Variants in MACF1 observed in about 807,000 individuals in gnomAD.
The protein encoded by MACF1 is microtubule-actin cross-linking factor 1.
A neutral mutation model predicts 854.8 loss-of-function variants in MACF1; 193 were observed. The ratio of observed to expected loss-of-function variants is 0.23; its 90% CI spans 0.20 to 0.25. The LOEUF (loss-of-function observed/expected upper bound fraction) is 0.25, where lower values mean the gene tolerates loss of function less well. Among genes scored for constraint, MACF1 ranks in the 10% least tolerant of loss-of-function variants. The pLI, the probability that MACF1 is intolerant of heterozygous loss-of-function variation, is 1.00. For missense variants in MACF1, 7,722 were observed against 8,929.1 expected, an observed-to-expected ratio of 0.86 and a Z score of 5.45; for synonymous variants, 3,185 against 3,226.7, an observed-to-expected ratio of 0.99 and a Z score of 0.44.
intron 1 of MACF1, among the ~76,000 whole-genome samples, chr1:39,225,873 T>G (rs1371008090): frequency 1.3e-5 from 2 of 152,192 alleles, no homozygotes; most frequent in African/African-American, 4.8e-5. Flanking sequence ...AATATAAAAC[T>G]TATTAAATAG....
At chr1:39,275,451 TCATA>T (rs1307429362) in intron 6 of MACF1, among the ~76,000 whole-genome samples, 33 of 152,110 alleles carry the variant, frequency 2.2e-4, no homozygotes, top group African/African-American at 8.0e-4. Flanking sequence ...ACAGGTACCA[TCATA>T]GCGCACAGTA....
chr1:39,268,295 C>T (rs1022837847), intron 6 of MACF1, among the ~76,000 whole-genome samples: 1 of 152,142 alleles, frequency 6.6e-6, no homozygotes, highest in Non-Finnish European at 1.5e-5. Flanking sequence ...TTTCCCTCCT[C>T]CTCCTGGCCC....
Position 39,331,186 on chromosome 1 carries a change from T to C in MACF1, c.4615-17T>C. 2 of 1,176,824 alleles carry C rather than the reference T, an allele frequency of 1.7e-6. No homozygotes were observed. The highest frequency in any genetic ancestry group is 3.5e-5 in the East Asian group (1 of 28,856). The allele number at this position is 1,176,824 out of a possible 1,614,324, so 72.9% of individuals were successfully genotyped here. ...CTTCTCTTTTCCTTTTTTTTTTTTT[T>C]TTTTTTTTTTTTTTAGGAATGCAGA... On this transcript the variant is annotated splice_polypyrimidine_tract_variant and intron_variant, in intron 36 of 100. Coordinates refer to ENST00000564288, the MANE Select transcript of MACF1 (RefSeq NM_001394062.1).
intron 74 of MACF1, among the ~76,000 whole-genome samples, chr1:39,441,665 T>C (rs1475772140): frequency 6.6e-6 from 1 of 152,212 alleles, no homozygotes; most frequent in African/African-American, 2.4e-5. Flanking sequence ...CTTCAGAACA[T>C]CATGAGCTTG....
At chr1:39,091,291 G>A (rs942325444) in intron 2 of MACF1, among the ~76,000 whole-genome samples, 1 of 152,118 alleles carries the variant, frequency 6.6e-6, no homozygotes, top group Admixed American at 6.5e-5. Flanking sequence ...TCACGCAAAG[G>A]GCTGGCTTTG....
intron 2 of MACF1, among the ~76,000 whole-genome samples, chr1:39,179,188 T>G (rs1004019473): frequency 6.6e-6 from 1 of 152,320 alleles, no homozygotes; most frequent in East Asian, 1.9e-4. Flanking sequence ...CACACACTTA[T>G]TTTCTGATGT....
At chr1:39,407,899 G>T (rs1248653815) in intron 58 of MACF1, among the ~76,000 whole-genome samples, 1 of 152,168 alleles carries the variant, frequency 6.6e-6, no homozygotes, top group African/African-American at 2.4e-5. Flanking sequence ...ATCACAAATA[G>T]AACAGAGTAT....
intron 98 of MACF1, 67 bp from the exon 99 acceptor site, chr1:39,480,853 C>T: frequency 2.5e-6 from 2 of 789,386 alleles, no homozygotes; most frequent in Non-Finnish European, 4.3e-6. Context: ...TTTCTGTTCC[C>T]AATGTGCACC....
At chr1:39,242,745 A>G (rs1445381121) in intron 2 of MACF1, among the ~76,000 whole-genome samples, 87 of 150,990 alleles carry the variant, frequency 5.8e-4, no homozygotes, top group East Asian at 3.5e-3. Context: ...CCAAAAAAAA[A>G]AAAAAAAAAA....
intron 2 of MACF1, among the ~76,000 whole-genome samples, chr1:39,190,308 C>T (rs1223609219): frequency 6.6e-6 from 1 of 150,934 alleles, no homozygotes; most frequent in Non-Finnish European, 1.5e-5. Flanking sequence ...CTCCCCTCCC[C>T]GCCCCTCTCC....
chr1:39,296,802 AAAAG>A (rs149623081), intron 20 of MACF1, among the ~76,000 whole-genome samples: 4 of 93,248 alleles, frequency 4.3e-5, no homozygotes, highest in Non-Finnish European at 6.4e-5. Context: ...GGAAGGAAGG[AAAAG>A]AAAGAAAGGA....
At position 39,285,291 on chromosome 1, in the gene MACF1, T is replaced by C. The variant is rs774654941; in HGVS notation, c.1260-6T>C. The C allele has an allele frequency of 3.1e-6, 5 of 1,614,072 alleles. No individual in the cohort carries two copies. Among genetic ancestry groups the C allele is most frequent in the East Asian group, 4.5e-5 (2 of 44,896 alleles). On this transcript the variant is annotated splice_region_variant and splice_polypyrimidine_tract_variant and intron_variant, in intron 12 of 100. Coordinates refer to ENST00000564288, the MANE Select transcript of MACF1 (RefSeq NM_001394062.1). Reference sequence around the variant, plus strand: ...TGCACATGACTATGGTTTTATCTTATTTCAGGCTGGAATTGCTGCTACAGA... The same window carrying C: ...TGCACATGACTATGGTTTTATCTTACTTCAGGCTGGAATTGCTGCTACAGA...
chr1:39,385,588 C>A lies in MACF1; in HGVS notation c.14003C>A (p.Thr4668Asn), dbSNP rs779059744. The change falls in exon 57 of 101, where the codon ACT becomes AAT. Residue 4668 changes from threonine (T) to asparagine (N), a missense_variant. By Grantham distance (65) the Thr-to-Asn change is moderately conservative. Around this residue, in one of 15 missense-constraint regions of MACF1, gnomAD observed 2,807 missense variants for 3,235.8 expected, o/e 0.87. Transcript: ENST00000564288. Reference protein sequence around the residue: ...QSINQKWVELTDKLNSRSSQI... With the variant: ...QSINQKWVELNDKLNSRSSQI... Reference sequence around the variant, plus strand: ...ATCAATCAGAAATGGGTTGAGCTGACTGACAAACTCAACTCCCGTTCCAGC... The same window carrying A: ...ATCAATCAGAAATGGGTTGAGCTGAATGACAAACTCAACTCCCGTTCCAGC... The A allele has an allele frequency of 1.2e-5, 20 of 1,614,024 alleles. No individual in the cohort carries two copies. The highest frequency in any genetic ancestry group is 1.2e-5 in the Non-Finnish European group (14 of 1,180,048).
intron 6 of MACF1, chr1:39,269,010 A>T: frequency 7.8e-7 from 1 of 1,288,362 alleles, no homozygotes; most frequent in Non-Finnish European, 1.0e-6. Flanking sequence ...TCGGGGGATG[A>T]TAGTACAGGT....
chr1:39,452,323 A>G lies in MACF1; in HGVS notation c.20586A>G (p.Gln6862=). 6.2e-7 allele frequency: 1 copy of G among 1,614,128 alleles called. No individual in the cohort carries two copies. Among genetic ancestry groups the G allele is most frequent in the Non-Finnish European group, 8.5e-7 (1 of 1,180,002 alleles). Residue 6862 remains glutamine (Q), a synonymous_variant, in exon 86 of 101, where the codon CAA becomes CAG. Transcript: ENST00000564288. The part of the protein sequence containing the change: ...DTVCKLSVSK[Q]SRLEQALKQA... ...TCTGTAAACTCTCTGTTTCCAAACA[A>G]AGCCGGCTTGAGCAGGCCTTAAAAC... is the stretch of plus-strand genomic sequence containing the variant.
chr1:39,455,023 A>G lies in MACF1; in HGVS notation c.21001A>G (p.Thr7001Ala). Residue 7001 changes from threonine (T) to alanine (A), a missense_variant, in exon 89 of 101, where the codon ACC becomes GCC. Physicochemically the swap from Thr to Ala is moderately conservative, Grantham distance 58 (BLOSUM62 0). Coordinates refer to ENST00000564288, the MANE Select transcript of MACF1 (RefSeq NM_001394062.1). Reference protein sequence around the residue: ...LLAWIQWAETTLIQRDQEPIP... With the variant: ...LLAWIQWAETALIQRDQEPIP... ...GGCATGGATCCAGTGGGCTGAGACC[A>G]CCCTCATTCAGCGGGATCAGGAGCC... 2 of 1,614,044 alleles carry G rather than the reference A, an allele frequency of 1.2e-6. No homozygotes were observed. Among genetic ancestry groups the G allele is most frequent in the East Asian group, 4.5e-5 (2 of 44,866 alleles).
In MACF1 at chr1:39,292,825, A is replaced by G; in HGVS notation, c.1974A>G (p.Thr658=). ...CTGAAACTCTTGGAAAGCTGGAGACACAGTATTGTAAATTGAAGGTGAGTT... is the reference window on the plus strand; with the variant it reads ...CTGAAACTCTTGGAAAGCTGGAGACGCAGTATTGTAAATTGAAGGTGAGTT... The part of the protein sequence containing the change: ...SYAETLGKLE[T]QYCKLKETSS... Residue 658 remains threonine (T), a synonymous_variant, in exon 17 of 101, where the codon ACA becomes ACG. Coordinates refer to ENST00000564288, the MANE Select transcript of MACF1 (RefSeq NM_001394062.1). The G allele has an allele frequency of 1.2e-6, 2 of 1,613,102 alleles. No individual in the cohort carries two copies. The highest frequency in any genetic ancestry group is 2.7e-5 in the African/African-American group (2 of 75,020).
At chr1:39,242,128 A>G (rs1644931216) in intron 2 of MACF1, among the ~76,000 whole-genome samples, 1 of 152,002 alleles carries the variant, frequency 6.6e-6, no homozygotes, top group East Asian at 1.9e-4. Flanking sequence ...CGGGTGGATC[A>G]CTTGAGACCA....
chr1:39,174,072 C>T (rs1126313), intron 2 of MACF1, among the ~76,000 whole-genome samples: 2 of 152,006 alleles, frequency 1.3e-5, no homozygotes, highest in African/African-American at 4.8e-5. Context: ...CAGAGATTAA[C>T]AACAGCAACA....
Sources: allele counts gnomAD v4.1 joint callset (sites outside exome capture counted in the v4.1 genomes callset), GRCh38; gene constraint gnomAD v4.1.1; regional missense constraint gnomAD v4.1.1; transcripts MANE v1.5; gene names NCBI Gene and HGNC (gene_info 2026-07-23, HGNC 2026-07-21).